FOXN3: variants seen among roughly 807,000 people sequenced by gnomAD.
The protein encoded by FOXN3 is forkhead box protein N3.
Under a neutral mutation model 38.4 loss-of-function variants are expected in FOXN3, and 7 were observed. The ratio of observed to expected loss-of-function variants is 0.18; its 90% CI spans 0.10 to 0.34. The LOEUF is 0.34. FOXN3 is among the 10% of genes least tolerant of loss of function. The pLI, the probability that FOXN3 is intolerant of heterozygous loss-of-function variation, is 1.00. For missense variants in FOXN3, 456 were observed against 613.4 expected (o/e 0.74, Z 2.71); for synonymous variants, 230 against 242.2 (o/e 0.95, Z 0.47).
Position 89,355,762 on chromosome 14 carries a change from T to C in FOXN3, c.544-4954A>G, listed in dbSNP as rs1342711661. Among the ~76,000 whole-genome samples, 8 of 152,244 alleles carry C rather than the reference T, an allele frequency of 5.3e-5. No individual in the cohort carries two copies. In the East Asian group the frequency reaches 1.3e-3, roughly 26 times the overall value. ...TCACCAAGTAACATACACTTCTTAC[T>C]GGGAAGCCGGGTCAACAAAGTTTGG... On this transcript the variant is annotated intron_variant, in intron 2 of 5. Transcript: ENST00000557258.
At chr14:89,281,518 T>C (rs1216698070) in intron 3 of FOXN3, among the ~76,000 whole-genome samples, 1 of 152,170 alleles carries the variant, frequency 6.6e-6, no homozygotes, top group Non-Finnish European at 1.5e-5. Context: ...TCCTTCCCCC[T>C]CTTCTCGTTT....
At chr14:89,536,215 G>C (rs1566690574) in intron 1 of FOXN3, among the ~76,000 whole-genome samples, 1 of 152,168 alleles carries the variant, frequency 6.6e-6, no homozygotes, top group Non-Finnish European at 1.5e-5. Context: ...GGTAGGCCTG[G>C]TTTCAAATCC....
At position 89,376,416 on chromosome 14, in the gene FOXN3, C is replaced by T. The variant is rs756999635; in HGVS notation, c.544-25608G>A. Among the ~76,000 whole-genome samples, 2 of 152,194 alleles carry T rather than the reference C, an allele frequency of 1.3e-5. 1 individual carries two copies. The highest frequency in any genetic ancestry group is 2.9e-5 in the Non-Finnish European group (2 of 68,032). On this transcript the variant is annotated intron_variant, in intron 2 of 5. Transcript: ENST00000557258. ...ATTAGAGGCGATTATTACACCAACT[C>T]TTTTTTGTAAAAATTGGTCATTATA...
intron 1 of FOXN3, among the ~76,000 whole-genome samples, chr14:89,447,642 A>T (rs1488347022): frequency 6.6e-6 from 1 of 152,002 alleles, no homozygotes; most frequent in Non-Finnish European, 1.5e-5. Flanking sequence ...CCCCATGCCT[A>T]GGAGACCGGC....
chr14:89,417,886 G>C, upstream of FOXN3: 1 of 376,454 alleles, frequency 2.7e-6, no homozygotes. Flanking sequence ...CGTCCTAAAG[G>C]CCACGCCGGT....
chr14:89,499,137 T>G (rs750723035), intron 1 of FOXN3, among the ~76,000 whole-genome samples: 1 of 152,082 alleles, frequency 6.6e-6, no homozygotes, highest in African/African-American at 2.4e-5. Flanking sequence ...ATTTTAATAT[T>G]CTCTGGCCTC....
At chr14:89,341,814 G>A (rs1018198020) in intron 3 of FOXN3, among the ~76,000 whole-genome samples, 1 of 152,140 alleles carries the variant, frequency 6.6e-6, no homozygotes, top group Admixed American at 6.5e-5. Context: ...CTGGGAAGGC[G>A]AGGGGTTTGA....
chr14:89,555,281 T>C, intron 1 of FOXN3, among the ~76,000 whole-genome samples: 1 of 152,194 alleles, frequency 6.6e-6, no homozygotes, highest in East Asian at 1.9e-4. Context: ...TGGCCAAAGA[T>C]ATGCATTTTC....
chr14:89,273,326 A>T (rs1886208404), intron 4 of FOXN3, among the ~76,000 whole-genome samples: 1 of 152,206 alleles, frequency 6.6e-6, no homozygotes, highest in South Asian at 2.1e-4. Context: ...CCTGGCCTGG[A>T]GGAAGCTCTT....
At chr14:89,582,594 A>G (rs1162008848) in intron 1 of FOXN3, among the ~76,000 whole-genome samples, 7 of 146,112 alleles carry the variant, frequency 4.8e-5, no homozygotes, top group Non-Finnish European at 1.5e-5. Context: ...GGTTCATGCC[A>G]TTCTCCTGCC....
At chr14:89,201,336 G>A (rs7141454) in intron 4 of FOXN3, among the ~76,000 whole-genome samples, 3,455 of 152,276 alleles carry the variant, frequency 0.023, 69 homozygotes, top group Middle Eastern at 0.065. Context: ...AGGGAGGAGA[G>A]GGCGATTAAT....
At chr14:89,603,700 T>C (rs1373120429) in intron 1 of FOXN3, among the ~76,000 whole-genome samples, 1 of 152,136 alleles carries the variant, frequency 6.6e-6, no homozygotes, top group Non-Finnish European at 1.5e-5. Flanking sequence ...TCAAAAATTG[T>C]TTGAAACATA....
intron 1 of FOXN3, among the ~76,000 whole-genome samples, chr14:89,430,806 G>A (rs989380283): frequency 9.9e-5 from 15 of 152,186 alleles, no homozygotes; most frequent in East Asian, 1.9e-4. Context: ...ACCACCAGAC[G>A]GAGGTTCTGC....
At position 89,199,882 on chromosome 14, in the gene FOXN3, C is replaced by T. The variant is rs374507247; in HGVS notation, c.746-19076G>A. ...TTGTGCCACTGCGCTCAAGCCTGGG[C>T]GACACAGCGAGACTCCATCTCAGAC... On this transcript the variant is annotated intron_variant, in intron 4 of 5. Coordinates refer to ENST00000557258, the MANE Select transcript of FOXN3 (RefSeq NM_005197.4). 5.4e-4 allele frequency among the ~76,000 whole-genome samples: 82 copies of T among 151,964 alleles called. No individual in the cohort carries two copies. The South Asian group carries it at 0.013, about 24-fold the overall frequency.
chr14:89,156,566 T>C lies in FOXN3; in HGVS notation c.*5848A>G, dbSNP rs1221273240. The C allele has an allele frequency of 2.6e-5, 4 of 152,144 alleles. No homozygotes were observed. The highest frequency in any genetic ancestry group is 5.9e-5 in the Non-Finnish European group (4 of 68,002). 9.4% of individuals were successfully genotyped at this position (152,144 alleles called of 1,614,324 possible). On this transcript the variant is annotated 3_prime_UTR_variant, in exon 6 of 6. Transcript: ENST00000557258. ...AAATTAATTTGGCCGTGTAGGTCTA[T>C]TGGCCAGCCAAGGTCAGACGACCCT...
intron 1 of FOXN3, among the ~76,000 whole-genome samples, chr14:89,454,473 A>G (rs1247871960): frequency 6.6e-6 from 1 of 152,260 alleles, no homozygotes; most frequent in Non-Finnish European, 1.5e-5. Flanking sequence ...TTGTTATAGC[A>G]GCCTGAGCTG....
chr14:89,261,899 A>G (rs1316150671), intron 4 of FOXN3, among the ~76,000 whole-genome samples: 1 of 152,194 alleles, frequency 6.6e-6, no homozygotes, highest in Non-Finnish European at 1.5e-5. Context: ...ACTGCACTCC[A>G]GTCTGGGCGA....
At chr14:89,568,832 T>C (rs889992634) in intron 1 of FOXN3, among the ~76,000 whole-genome samples, 2 of 152,250 alleles carry the variant, frequency 1.3e-5, no homozygotes, top group East Asian at 3.8e-4. Context: ...AGCTCCTAAA[T>C]GTATTTACAC....
chr14:89,318,593 C>G (rs991697890), intron 3 of FOXN3, among the ~76,000 whole-genome samples: 1 of 152,174 alleles, frequency 6.6e-6, no homozygotes, highest in African/African-American at 2.4e-5. Context: ...CTTGGCTAAC[C>G]GTTATCAAGC....
Sources: allele counts gnomAD v4.1 joint callset (sites outside exome capture counted in the v4.1 genomes callset), GRCh38; gene constraint gnomAD v4.1.1; transcripts MANE v1.5; gene names NCBI Gene and HGNC (gene_info 2026-07-23, HGNC 2026-07-21).